Variants in ADAP2 observed in about 807,000 individuals in gnomAD.
ADAP2 encodes the protein ArfGAP with dual PH domains 2, also known as arf-GAP with dual PH domain-containing protein 2.
ADAP2 carries 42 observed loss-of-function variants against 54.9 expected under a neutral mutation model. The ratio of observed to expected loss-of-function variants is 0.77; its 90% CI spans 0.60 to 0.99. ADAP2 has a LOEUF of 0.99. Ranked by LOEUF, ADAP2 falls within the 50% of genes least tolerant of loss-of-function variation. ADAP2 has a pLI of 0.00. For missense variants in ADAP2, 429 were observed against 480.4 expected (o/e 0.89, Z 1.00); for synonymous variants, 177 against 180.1 (o/e 0.98, Z 0.14).
At chr17:30,929,736 G>T (rs1299399109) in intron 3 of ADAP2, among the ~76,000 whole-genome samples, 1 of 152,046 alleles carries the variant, frequency 6.6e-6, no homozygotes, top group Non-Finnish European at 1.5e-5. Context: ...TCACTCTGTT[G>T]CCCAGGCTAG....
chr17:30,956,215 G>T (rs532481430), intron 9 of ADAP2, 26 bp from the exon 10 acceptor site: 1 of 1,610,670 alleles, frequency 6.2e-7, no homozygotes, highest in South Asian at 1.1e-5. Flanking sequence ...GGCACCCTCT[G>T]ATGACCCTGT....
intron 3 of ADAP2, 57 bp from the exon 4 acceptor site, chr17:30,931,828 CAAAA>C (rs369963418): frequency 2.8e-3 from 2,879 of 1,019,086 alleles, no homozygotes; most frequent in South Asian, 3.2e-3. Context: ...GACCCTGTCT[CAAAA>C]AAAAAAAAAA....
intron 7 of ADAP2, among the ~76,000 whole-genome samples, chr17:30,950,215 G>GT (rs1598053162): frequency 1.3e-5 from 2 of 152,192 alleles, no homozygotes; most frequent in Admixed American, 6.5e-5. Flanking sequence ...CATTACAGTT[G>GT]TAACAGGAGC....
chr17:30,924,728 C>T (rs1420996801), intron 2 of ADAP2, among the ~76,000 whole-genome samples: 1 of 152,024 alleles, frequency 6.6e-6, no homozygotes, highest in Non-Finnish European at 1.5e-5. Context: ...TGGGAGAGAA[C>T]AATGAACAAG....
At chr17:30,956,111 T>C in intron 9 of ADAP2, 130 bp from the exon 10 acceptor site, 1 of 696,228 alleles carries the variant, frequency 1.4e-6, no homozygotes, top group South Asian at 1.9e-5. Flanking sequence ...AAATTCTGGG[T>C]CCCACTTAGC....
chr17:30,937,177 C>T (rs1451916667), intron 5 of ADAP2, among the ~76,000 whole-genome samples: 1 of 151,830 alleles, frequency 6.6e-6, no homozygotes, highest in African/African-American at 2.4e-5. Flanking sequence ...ACCCACCTCA[C>T]CCTCCCAAAG....
intron 7 of ADAP2, among the ~76,000 whole-genome samples, chr17:30,952,592 T>C (rs1904752579): frequency 6.6e-6 from 1 of 152,092 alleles, no homozygotes; most frequent in Non-Finnish European, 1.5e-5. Context: ...GCCAGGCTAG[T>C]CTCAAACTCC....
intron 5 of ADAP2, among the ~76,000 whole-genome samples, chr17:30,935,134 A>C (rs1343283268): frequency 1.3e-5 from 2 of 152,232 alleles, no homozygotes; most frequent in African/African-American, 4.8e-5. Context: ...TGGGAGGCCA[A>C]GGCAGGTGGA....
chr17:30,957,826 C>G lies in ADAP2; in HGVS notation c.1112-9C>G, dbSNP rs370822081. Reference sequence around the variant, plus strand: ...CCACCTCCCTCAGCCCTCTTCATTTCCCTTGCAGCTGCATCAACAGAGAGT... The same window carrying G: ...CCACCTCCCTCAGCCCTCTTCATTTGCCTTGCAGCTGCATCAACAGAGAGT... On this transcript the variant is annotated splice_polypyrimidine_tract_variant and intron_variant, in intron 10 of 10. Coordinates refer to ENST00000330889, the MANE Select transcript of ADAP2 (RefSeq NM_018404.3). The G allele has an allele frequency of 8.7e-6, 14 of 1,613,784 alleles. No homozygotes were observed. In the South Asian group the frequency reaches 1.5e-4, roughly 18 times the overall value.
intron 5 of ADAP2, among the ~76,000 whole-genome samples, chr17:30,934,508 C>G (rs1332577059): frequency 6.6e-6 from 1 of 152,136 alleles, no homozygotes; most frequent in Non-Finnish European, 1.5e-5. Flanking sequence ...TTAGATAGGT[C>G]CATGTTTAAG....
intron 5 of ADAP2, among the ~76,000 whole-genome samples, chr17:30,940,393 C>G (rs1229081684): frequency 2.0e-5 from 3 of 152,096 alleles, no homozygotes; most frequent in African/African-American, 7.3e-5. Flanking sequence ...CAACCTTCGC[C>G]TCCCAGGTTC....
In ADAP2 at chr17:30,946,210, G is replaced by T. The variant is rs117112746; in HGVS notation, c.657+1157G>T. 6.5e-3 allele frequency among the ~76,000 whole-genome samples: 981 copies of T among 152,018 alleles called. 4 individuals are homozygous for T. Among genetic ancestry groups the T allele is most frequent in the Non-Finnish European group, 9.0e-3 (613 of 67,964 alleles). ...TGTAACGGGATCCCAGGTGAGTCTT[G>T]TGCACATTAAAGTTTGAGAAGCACT... On this transcript the variant is annotated intron_variant, in intron 6 of 10. Transcript: ENST00000330889.
intron 5 of ADAP2, among the ~76,000 whole-genome samples, chr17:30,940,738 T>C (rs1912215379): frequency 6.6e-6 from 1 of 152,228 alleles, no homozygotes; most frequent in African/African-American, 2.4e-5. Flanking sequence ...AGAAATGTAG[T>C]TGAAGCATTG....
At chr17:30,942,639 G>T (rs1316372079) in intron 5 of ADAP2, among the ~76,000 whole-genome samples, 2 of 152,114 alleles carry the variant, frequency 1.3e-5, no homozygotes, top group African/African-American at 2.4e-5. Flanking sequence ...ATAACTTTTG[G>T]TATAGTCATT....
In ADAP2 at chr17:30,956,436, C is replaced by T; in HGVS notation, c.1078C>T (p.Leu360=). ...ATGGCTGGAAAGTTTGCGGGGTGTC[C>T]TGTCCAGCCCCTTGACGCCCCTCAA... ...QEWLESLRGV[L]SSPLTPLNRL... is the part of the protein sequence containing the mutation. Residue 360 remains leucine (L), a synonymous_variant, in exon 10 of 11, where the codon CTG becomes TTG. Transcript: ENST00000330889. 1 of 1,614,194 alleles carries T rather than the reference C, an allele frequency of 6.2e-7. No homozygotes were observed. The highest frequency in any genetic ancestry group is 1.1e-5 in the South Asian group (1 of 91,078).
At chr17:30,926,207 T>A (rs1192447885) in intron 2 of ADAP2, among the ~76,000 whole-genome samples, 1 of 152,196 alleles carries the variant, frequency 6.6e-6, no homozygotes, top group Non-Finnish European at 1.5e-5. Flanking sequence ...GCGATGTGAA[T>A]TGAAAACCTG....
chr17:30,948,307 T>G (rs1904320623), intron 6 of ADAP2, among the ~76,000 whole-genome samples: 1 of 151,636 alleles, frequency 6.6e-6, no homozygotes, highest in African/African-American at 2.4e-5. Context: ...GGCTGGGCGC[T>G]GTGGCTCACG....
chr17:30,944,334 G>A (rs1037509415), intron 5 of ADAP2, among the ~76,000 whole-genome samples: 2 of 151,304 alleles, frequency 1.3e-5, no homozygotes, highest in Non-Finnish European at 2.9e-5. Context: ...AGTACACATG[G>A]ACACAAAGAA....
intron 6 of ADAP2, 91 bp from the exon 7 acceptor site, chr17:30,949,196 C>G: frequency 9.7e-7 from 1 of 1,028,522 alleles, no homozygotes. Flanking sequence ...GCCCCACACC[C>G]AATGCCCAGC....
Sources: gnomAD v4.1 joint callset for allele counts (sites outside exome capture counted in the v4.1 genomes callset) on GRCh38, gnomAD v4.1.1 for gene constraint, MANE v1.5 for transcripts, NCBI Gene and HGNC (gene_info 2026-07-23, HGNC 2026-07-21) for gene names.